NALF1: variants seen among roughly 807,000 people sequenced by gnomAD.
NALF1 encodes family with sequence similarity 155 member A.
A neutral mutation model predicts 48.4 loss-of-function variants in NALF1; 3 were observed. The observed-to-expected ratio is 0.06, with a 90% CI of 0.03 to 0.16. The LOEUF (loss-of-function observed/expected upper bound fraction) is 0.16. NALF1 is among the 10% of genes least tolerant of loss of function. The probability of loss-of-function intolerance (pLI) is 1.00; values close to 1 mark genes in which losing one functional copy is unlikely to be tolerated. For synonymous variants in NALF1, 262 were observed against 245.7 expected, an observed-to-expected ratio of 1.07 and a Z score of -0.62; for missense variants, 526 against 571.5, an observed-to-expected ratio of 0.92 and a Z score of 0.81.
intron 1 of NALF1, among the ~76,000 whole-genome samples, chr13:107,395,554 G>C (rs1331567740): frequency 6.6e-6 from 1 of 152,116 alleles, no homozygotes. Context: ...TGTCTGCTGG[G>C]GGTTTATCTT....
At chr13:107,615,172 C>T (rs1477072840) in intron 1 of NALF1, among the ~76,000 whole-genome samples, 2 of 152,220 alleles carry the variant, frequency 1.3e-5, no homozygotes, top group African/African-American at 2.4e-5. Context: ...TCATCGTCCT[C>T]TTTCAGTTCA....
chr13:107,325,874 A>ACACATATG (rs1882348808), intron 1 of NALF1, among the ~76,000 whole-genome samples: 3 of 99,934 alleles, frequency 3.0e-5, no homozygotes, highest in Non-Finnish European at 4.4e-5. Flanking sequence ...ATATATATAT[A>ACACATATG]TATATATATA....
At chr13:107,437,147 G>A (rs900802863) in intron 1 of NALF1, among the ~76,000 whole-genome samples, 3 of 152,000 alleles carry the variant, frequency 2.0e-5, no homozygotes, top group African/African-American at 4.8e-5. Flanking sequence ...GTTCAGCATC[G>A]TTATTCATTA....
At chr13:107,201,209 G>T (rs995971629) in intron 2 of NALF1, among the ~76,000 whole-genome samples, 1 of 151,728 alleles carries the variant, frequency 6.6e-6, no homozygotes, top group African/African-American at 2.4e-5. Context: ...CCATCCATAA[G>T]TTGATAAGTT....
intron 1 of NALF1, among the ~76,000 whole-genome samples, chr13:107,296,575 T>C (rs1194994079): frequency 6.6e-6 from 1 of 152,166 alleles, no homozygotes; most frequent in Non-Finnish European, 1.5e-5. Context: ...TATTTCAAAT[T>C]GTTGGTTTCA....
intron 1 of NALF1, among the ~76,000 whole-genome samples, chr13:107,817,131 T>C (rs1258706177): frequency 4.6e-5 from 7 of 152,112 alleles, no homozygotes; most frequent in Non-Finnish European, 5.9e-5. Context: ...AAGAGGCAAA[T>C]ATGTGATGAA....
At chr13:107,417,597 C>T (rs1363863292) in intron 1 of NALF1, among the ~76,000 whole-genome samples, 4 of 152,120 alleles carry the variant, frequency 2.6e-5, no homozygotes, top group African/African-American at 9.7e-5. Context: ...GTGTAAGGTG[C>T]TTATTTCTCT....
At chr13:107,811,873 C>T (rs965472756) in intron 1 of NALF1, among the ~76,000 whole-genome samples, 5 of 152,108 alleles carry the variant, frequency 3.3e-5, no homozygotes, top group East Asian at 1.9e-4. Context: ...TCTCCTAATA[C>T]GATGGGAATT....
At chr13:107,509,769 G>C (rs988477861) in intron 1 of NALF1, among the ~76,000 whole-genome samples, 2 of 152,080 alleles carry the variant, frequency 1.3e-5, no homozygotes, top group East Asian at 1.9e-4. Flanking sequence ...ATTCCTGAAA[G>C]AACAACTGGT....
intron 1 of NALF1, among the ~76,000 whole-genome samples, chr13:107,693,949 G>C (rs922910611): frequency 3.3e-5 from 5 of 152,144 alleles, no homozygotes; most frequent in African/African-American, 1.2e-4. Flanking sequence ...ACTGAAGAGA[G>C]GGAACCATTA....
At chr13:107,796,447 T>A (rs182900176) in intron 1 of NALF1, among the ~76,000 whole-genome samples, 1 of 152,342 alleles carries the variant, frequency 6.6e-6, no homozygotes, top group African/African-American at 2.4e-5. Context: ...TTTTCTCTCA[T>A]TCGATGTGAA....
chr13:107,289,212 C>T (rs766414950), intron 1 of NALF1, among the ~76,000 whole-genome samples: 3 of 152,174 alleles, frequency 2.0e-5, no homozygotes, highest in African/African-American at 7.2e-5. Context: ...AAAATCATAA[C>T]CCCTCAGTTC....
intron 2 of NALF1, among the ~76,000 whole-genome samples, chr13:107,202,245 T>A (rs1879536363): frequency 6.6e-6 from 1 of 151,932 alleles, no homozygotes; most frequent in Admixed American, 6.6e-5. Flanking sequence ...GGTCTTCAGT[T>A]TTTAAACCTA....
At chr13:107,186,947 C>T (rs987512146) in intron 2 of NALF1, among the ~76,000 whole-genome samples, 1 of 152,114 alleles carries the variant, frequency 6.6e-6, no homozygotes, top group Admixed American at 6.6e-5. Flanking sequence ...ATACTGATGT[C>T]CCCATTTTCT....
rs147436072 is a variant in NALF1, at chr13:107,623,466, TC to T, written c.915+242215del. Among the ~76,000 whole-genome samples the T allele has an allele frequency of 4.4e-3, 668 of 151,812 alleles. 5 individuals are homozygous for T. Among genetic ancestry groups the T allele is most frequent in the African/African-American group, 0.014 (599 of 41,450 alleles). ...AATTAGAAAAAAAAAAAAATATTAC[TC>T]CCCCTGAGCCATCTTTAAAGTTCCT... On this transcript the variant is annotated intron_variant, in intron 1 of 2. Transcript: ENST00000375915.
intron 1 of NALF1, among the ~76,000 whole-genome samples, chr13:107,802,791 T>C (rs566553020): frequency 6.6e-5 from 10 of 152,194 alleles, no homozygotes; most frequent in Non-Finnish European, 1.2e-4. Context: ...GTAGACAGAA[T>C]AAAAAAGAAA....
chr13:107,833,949 A>C (rs1270334279), intron 1 of NALF1, among the ~76,000 whole-genome samples: 1 of 152,098 alleles, frequency 6.6e-6, no homozygotes. Context: ...TGAGGAAGAA[A>C]TTTCAAACTT....
chr13:107,835,524 C>T (rs1194377322), intron 1 of NALF1: 2 of 152,140 alleles, frequency 1.3e-5, no homozygotes, highest in Non-Finnish European at 2.9e-5. Flanking sequence ...GAAGTGAGGG[C>T]TTTTGTCACT....
chr13:107,775,555 C>G (rs1877707675), intron 1 of NALF1, among the ~76,000 whole-genome samples: 1 of 151,652 alleles, frequency 6.6e-6, no homozygotes, highest in African/African-American at 2.4e-5. Flanking sequence ...ATTTATAGTC[C>G]TTTGGGTATA....
Sources: allele counts gnomAD v4.1 joint callset (sites outside exome capture counted in the v4.1 genomes callset), GRCh38; gene constraint gnomAD v4.1.1; transcripts MANE v1.5; gene names NCBI Gene and HGNC (gene_info 2026-07-23, HGNC 2026-07-21).